DBT: variants seen among roughly 807,000 people sequenced by gnomAD.
DBT encodes dihydrolipoamide branched chain transacylase E2, also known as lipoamide acyltransferase component of branched-chain alpha-keto acid dehydrogenase complex, mitochondrial.
DBT carries 40 observed loss-of-function variants against 51.3 expected under a neutral mutation model. The observed-to-expected ratio is 0.78, with a 90% CI of 0.61 to 1.02. The LOEUF is 1.02. DBT is among the 50% of genes least tolerant of loss of function. DBT has a pLI of 0.00. For missense variants in DBT, 510 were observed against 580.2 expected, an observed-to-expected ratio of 0.88 and a Z score of 1.24; for synonymous variants, 181 against 190.4, an observed-to-expected ratio of 0.95 and a Z score of 0.41.
Position 100,194,768 on chromosome 1 carries a change from C to T in DBT, c.*1487G>A, listed in dbSNP as rs1489778858. 6.6e-6 allele frequency: 1 copy of T among 152,234 alleles called. No homozygotes were observed. The highest frequency in any genetic ancestry group is 2.4e-5 in the African/African-American group (1 of 41,470). 9.4% of individuals were successfully genotyped at this position (152,234 alleles called of 1,614,324 possible). ...AACTGGGATTACAGTTACAAGTCAT[C>T]ACACCTGGCTGATTTATTCTTTCCT... is the stretch of plus-strand genomic sequence containing the variant. On this transcript the variant is annotated 3_prime_UTR_variant, in exon 11 of 11. Coordinates refer to ENST00000370132, the MANE Select transcript of DBT (RefSeq NM_001918.5).
chr1:100,247,175 A>G (rs1646382557), intron 1 of DBT, among the ~76,000 whole-genome samples: 1 of 152,228 alleles, frequency 6.6e-6, no homozygotes, highest in South Asian at 2.1e-4. Flanking sequence ...CCTCATAGTC[A>G]TTTGAATTTT....
chr1:100,206,704 T>G, intron 8 of DBT, 68 bp from the exon 9 acceptor site: 1 of 890,808 alleles, frequency 1.1e-6, no homozygotes, highest in South Asian at 1.3e-5. Flanking sequence ...AGGATCAACC[T>G]TCACTGCCAT....
Position 100,187,773 on chromosome 1 carries a change from A to ATTTG in DBT, c.*8481_*8482insCAAA, listed in dbSNP as rs1477801448. The ATTTG allele has an allele frequency of 2.0e-5, 3 of 152,048 alleles. No homozygotes were observed. The highest frequency in any genetic ancestry group is 6.6e-5 in the Admixed American group (1 of 15,250). 9.4% of individuals were successfully genotyped at this position (152,048 alleles called of 1,614,324 possible). ...GTGGGATATTTTGTATACATTTCAA[A>ATTTG]AGGCAACTACAAAAATTGGTTTTTC... On this transcript the variant is annotated 3_prime_UTR_variant, in exon 11 of 11. Coordinates refer to ENST00000370132, the MANE Select transcript of DBT (RefSeq NM_001918.5).
At chr1:100,228,015 T>A (rs1376669120) in intron 4 of DBT, among the ~76,000 whole-genome samples, 2 of 151,998 alleles carry the variant, frequency 1.3e-5, no homozygotes, top group Non-Finnish European at 2.9e-5. Flanking sequence ...CCGGCTAATT[T>A]TTGTATTTTT....
intron 3 of DBT, among the ~76,000 whole-genome samples, chr1:100,233,295 T>C (rs948261723): frequency 4.6e-5 from 7 of 152,358 alleles, no homozygotes; most frequent in Non-Finnish European, 7.3e-5. Context: ...AAACTTGTTT[T>C]AGAAGTTTGT....
chr1:100,247,933 C>G (rs970517422), intron 1 of DBT, among the ~76,000 whole-genome samples: 4 of 151,596 alleles, frequency 2.6e-5, no homozygotes, highest in African/African-American at 9.7e-5. Context: ...GAAACCTCGT[C>G]TCTACTAAAA....
intron 10 of DBT, among the ~76,000 whole-genome samples, chr1:100,202,004 G>A (rs1190085297): frequency 1.3e-5 from 2 of 152,044 alleles, no homozygotes; most frequent in Non-Finnish European, 2.9e-5. Flanking sequence ...CAACTAACAG[G>A]CAAAATAACC....
chr1:100,192,270 G>C lies in DBT; in HGVS notation c.*3985C>G, dbSNP rs1660850026. Reference sequence around the variant, plus strand: ...GGTTATTGGCACAGACCCACTTCCAGTGATAGCTTTAATTATTGGCTAAAG... The same window carrying C: ...GGTTATTGGCACAGACCCACTTCCACTGATAGCTTTAATTATTGGCTAAAG... On this transcript the variant is annotated 3_prime_UTR_variant, in exon 11 of 11. Coordinates refer to ENST00000370132, the MANE Select transcript of DBT (RefSeq NM_001918.5). The C allele has an allele frequency of 6.6e-6, 1 of 152,206 alleles. No homozygotes were observed. The highest frequency in any genetic ancestry group is 1.5e-5 in the Non-Finnish European group (1 of 68,048). 9.4% of individuals were successfully genotyped at this position (152,206 alleles called of 1,614,324 possible).
At chr1:100,239,369 A>G (rs931154232) in intron 2 of DBT, among the ~76,000 whole-genome samples, 11 of 152,064 alleles carry the variant, frequency 7.2e-5, no homozygotes, top group African/African-American at 2.4e-4. Context: ...AATGACCTCT[A>G]TTTTCTCTGG....
Position 100,205,982 on chromosome 1 carries a change from C to T in DBT, c.1281+248G>A, listed in dbSNP as rs146214677. Among the ~76,000 whole-genome samples the T allele has an allele frequency of 8.9e-3, 1,338 of 150,612 alleles. 12 individuals carry two copies. Among genetic ancestry groups the T allele is most frequent in the South Asian group, 0.014 (68 of 4,760 alleles). The stretch of plus-strand genomic sequence containing the variant: ...TAGAAGAAATACCTAATGTAGATGA[C>T]GGGTTGATGGGTGCAGCAAACCACC... On this transcript the variant is annotated intron_variant, in intron 10 of 10. Transcript: ENST00000370132.
intron 7 of DBT, among the ~76,000 whole-genome samples, chr1:100,212,738 T>C (rs1280825082): frequency 6.6e-6 from 1 of 152,090 alleles, no homozygotes; most frequent in Non-Finnish European, 1.5e-5. Context: ...TGACCACAGT[T>C]TGGGATTTGC....
chr1:100,240,793 C>T lies in DBT; in HGVS notation c.143G>A (p.Ser48Asn). The change falls in exon 2 of 11, where the codon AGT becomes AAT. Residue 48 changes from serine to asparagine, a missense_variant. Transcript: ENST00000370132. ...CFFGYPSFKY[S>N]HPHHFLKTTA... The stretch of plus-strand genomic sequence containing the variant: ...TGTTTTCAGGAAGTGATGTGGATGA[C>T]TATACTTGAATGAAGGATAACCAAA... 6.2e-7 allele frequency: 1 copy of T among 1,606,368 alleles called. No homozygotes were observed.
At chr1:100,233,776 T>G (rs1228425316) in intron 3 of DBT, among the ~76,000 whole-genome samples, 2 of 152,222 alleles carry the variant, frequency 1.3e-5, no homozygotes, top group African/African-American at 4.8e-5. Context: ...GTATTTGTCC[T>G]GATTGGCTAG....
rs758192343 is a variant in DBT, at chr1:100,216,132, T to G, written c.623A>C (p.Tyr208Ser). Residue 208 changes from tyrosine to serine, a missense_variant, in exon 6 of 11, where the codon TAT becomes TCT. By Grantham distance (144) the Tyr-to-Ser change is moderately radical (BLOSUM62 -2). Transcript: ENST00000370132. ...GRILKEDILN[Y>S]LEKQTGAILP... is the part of the protein sequence containing the mutation. ...TATAGCTCCTGTCTGCTTTTCCAAA[T>G]AGTTGAGGATATCTTCTTTAAGTAT... is the stretch of plus-strand genomic sequence containing the variant. 6.2e-7 allele frequency: 1 copy of G among 1,613,994 alleles called. No individual in the cohort carries two copies. Among genetic ancestry groups the G allele is most frequent in the Non-Finnish European group, 8.5e-7 (1 of 1,179,908 alleles).
intron 4 of DBT, among the ~76,000 whole-genome samples, chr1:100,222,496 T>C (rs1662910531): frequency 6.6e-6 from 1 of 152,164 alleles, no homozygotes; most frequent in Non-Finnish European, 1.5e-5. Context: ...GGCTTTCACA[T>C]TAAACAGAGC....
chr1:100,208,614 A>G (rs79209443), intron 8 of DBT, among the ~76,000 whole-genome samples: 4,452 of 152,120 alleles, frequency 0.029, 94 homozygotes, highest in South Asian at 0.052. Context: ...ATGAAAATGA[A>G]GAGGCTGGGC....
rs1042103845 is a variant in DBT, at chr1:100,191,061, C to T, written c.*5194G>A. On this transcript the variant is annotated 3_prime_UTR_variant, in exon 11 of 11. Coordinates refer to ENST00000370132, the MANE Select transcript of DBT (RefSeq NM_001918.5). The stretch of plus-strand genomic sequence containing the variant: ...GGAGTTCTGTTAATCTTCTGTTTGA[C>T]CAAATAACTAGGATTGGGAATTTTA... 2 of 152,126 alleles carry T rather than the reference C, an allele frequency of 1.3e-5. No individual in the cohort carries two copies. The highest frequency in any genetic ancestry group is 6.5e-5 in the Admixed American group (1 of 15,278). The allele number at this position is 152,126 out of a possible 1,614,324, so 9.4% of individuals were successfully genotyped here.
intron 4 of DBT, among the ~76,000 whole-genome samples, chr1:100,226,126 T>C (rs925791511): frequency 3.3e-5 from 5 of 152,168 alleles, no homozygotes; most frequent in African/African-American, 1.2e-4. Flanking sequence ...TTTAATGACA[T>C]CCATAGTACT....
intron 4 of DBT, 51 bp from the exon 5 acceptor site, chr1:100,218,798 T>A (rs979578121): frequency 1.4e-6 from 2 of 1,465,210 alleles, no homozygotes; most frequent in Admixed American, 1.7e-5. Context: ...TTTTTTTTTT[T>A]ACTAAGATGT....
Sources: allele counts gnomAD v4.1 joint callset (sites outside exome capture counted in the v4.1 genomes callset), GRCh38; gene constraint gnomAD v4.1.1; transcripts MANE v1.5; gene names NCBI Gene and HGNC (gene_info 2026-07-23, HGNC 2026-07-21).